NALF1: variants seen among roughly 807,000 people sequenced by gnomAD.
NALF1 encodes the protein family with sequence similarity 155 member A.
In NALF1, 3 loss-of-function variants were observed where a neutral mutation model predicts 48.4. The ratio of observed to expected loss-of-function variants is 0.06; its 90% CI spans 0.03 to 0.16. The LOEUF (loss-of-function observed/expected upper bound fraction) is 0.16. Among genes scored for constraint, NALF1 ranks in the 10% least tolerant of loss-of-function variants. The pLI is 1.00. For missense variants in NALF1, 526 were observed against 571.5 expected (o/e 0.92, Z 0.81); for synonymous variants, 262 against 245.7 (o/e 1.07, Z -0.62).
intron 1 of NALF1, among the ~76,000 whole-genome samples, chr13:107,414,847 T>A (rs1234100028): frequency 6.6e-6 from 1 of 151,974 alleles, no homozygotes; most frequent in African/African-American, 2.4e-5. Context: ...GTTTAATCAA[T>A]TCTTAGAAGT....
intron 2 of NALF1, among the ~76,000 whole-genome samples, chr13:107,199,654 GTTCCA>G (rs1443076549): frequency 8.5e-5 from 13 of 152,292 alleles, no homozygotes; most frequent in Admixed American, 6.5e-4. Context: ...TTTGTTTTAA[GTTCCA>G]GCATTCCAGG....
intron 1 of NALF1, among the ~76,000 whole-genome samples, chr13:107,783,195 G>C (rs1594263675): frequency 6.4e-5 from 8 of 125,864 alleles, no homozygotes; most frequent in East Asian, 2.6e-4. Context: ...GGAGGTGGGG[G>C]GTCAGTCCCC....
chr13:107,587,524 T>C (rs746557403), intron 1 of NALF1, among the ~76,000 whole-genome samples: 13 of 152,132 alleles, frequency 8.5e-5, no homozygotes, highest in Non-Finnish European at 1.8e-4. Context: ...CAATTTGTTA[T>C]AGCTGGGCAG....
intron 1 of NALF1, among the ~76,000 whole-genome samples, chr13:107,571,588 TA>T (rs1489135611): frequency 6.6e-6 from 1 of 152,180 alleles, no homozygotes; most frequent in African/African-American, 2.4e-5. Flanking sequence ...AACTAGTAAG[TA>T]AAGTGTTTCC....
At chr13:107,614,968 G>A (rs1879339927) in intron 1 of NALF1, among the ~76,000 whole-genome samples, 3 of 151,630 alleles carry the variant, frequency 2.0e-5, no homozygotes, top group South Asian at 4.2e-4. Context: ...GTAGAGAAGA[G>A]GTTTCACCAT....
At chr13:107,515,045 G>T (rs578029396) in intron 1 of NALF1, among the ~76,000 whole-genome samples, 2 of 152,326 alleles carry the variant, frequency 1.3e-5, no homozygotes, top group East Asian at 1.9e-4. Flanking sequence ...CCATATGCAG[G>T]TTATTTAAGT....
intron 1 of NALF1, among the ~76,000 whole-genome samples, chr13:107,303,368 T>G (rs556705292): frequency 6.6e-6 from 1 of 152,204 alleles, no homozygotes; most frequent in Non-Finnish European, 1.5e-5. Context: ...CGATATACAA[T>G]GTATGTTTTA....
chr13:107,823,052 A>G (rs1879404557), intron 1 of NALF1, among the ~76,000 whole-genome samples: 2 of 152,218 alleles, frequency 1.3e-5, no homozygotes, highest in Admixed American at 1.3e-4. Context: ...ACGGCTGACC[A>G]TGGGAAATGC....
intron 1 of NALF1, among the ~76,000 whole-genome samples, chr13:107,547,700 T>C (rs1024502916): frequency 1.3e-5 from 2 of 152,190 alleles, no homozygotes; most frequent in African/African-American, 4.8e-5. Flanking sequence ...TATATCATCC[T>C]AAGCACTTGG....
intron 1 of NALF1, among the ~76,000 whole-genome samples, chr13:107,782,268 T>G (rs1048528513): frequency 6.6e-6 from 1 of 152,244 alleles, no homozygotes; most frequent in Non-Finnish European, 1.5e-5. Flanking sequence ...TTGGCAGGGC[T>G]GGCTTCCAGC....
intron 1 of NALF1, among the ~76,000 whole-genome samples, chr13:107,715,933 G>C (rs1041881117): frequency 6.6e-6 from 1 of 152,200 alleles, no homozygotes; most frequent in East Asian, 1.9e-4. Context: ...ACTCCAGAGA[G>C]AGAGGAGTAA....
At chr13:107,701,619 C>T (rs1027082088) in intron 1 of NALF1, among the ~76,000 whole-genome samples, 1 of 152,026 alleles carries the variant, frequency 6.6e-6, no homozygotes, top group African/African-American at 2.4e-5. Context: ...TCAAAAAACA[C>T]AAAGTAGCAG....
At chr13:107,172,102 C>T (rs1566440430) in intron 2 of NALF1, among the ~76,000 whole-genome samples, 1 of 152,216 alleles carries the variant, frequency 6.6e-6, no homozygotes, top group African/African-American at 2.4e-5. Flanking sequence ...GCCTGTATCA[C>T]TCGCCAAGCT....
chr13:107,452,496 T>C lies in NALF1; in HGVS notation c.916-241741A>G, dbSNP rs148527700. On this transcript the variant is annotated intron_variant, in intron 1 of 2. Transcript: ENST00000375915. ...AGATCTCATGAGAACTCACTCACTATCATGAGAACAGCATGAAGGTAACCA... is the reference window on the plus strand; with the variant it reads ...AGATCTCATGAGAACTCACTCACTACCATGAGAACAGCATGAAGGTAACCA... Among the ~76,000 whole-genome samples, 1,444 of 152,250 alleles carry C rather than the reference T, an allele frequency of 9.5e-3. 25 individuals are homozygous for C. The highest frequency in any genetic ancestry group is 0.033 in the African/African-American group (1,376 of 41,526).
intron 1 of NALF1, among the ~76,000 whole-genome samples, chr13:107,396,144 C>A (rs903464273): frequency 6.6e-6 from 1 of 152,090 alleles, no homozygotes; most frequent in African/African-American, 2.4e-5. Context: ...TGTGTCCTCC[C>A]GTGGCAGAAA....
chr13:107,263,442 C>T (rs1819243), intron 1 of NALF1, among the ~76,000 whole-genome samples: 40,021 of 151,858 alleles, frequency 0.26, 6,082 homozygotes, highest in East Asian at 0.52. Flanking sequence ...ATGGTTGATA[C>T]GGTTTGGCTG....
intron 1 of NALF1, among the ~76,000 whole-genome samples, chr13:107,680,313 C>T (rs1165308168): frequency 6.6e-6 from 1 of 152,198 alleles, no homozygotes; most frequent in Admixed American, 6.5e-5. Flanking sequence ...GAGGAAGCTT[C>T]GGCACCACCC....
chr13:107,358,135 T>C (rs563567440), intron 1 of NALF1, among the ~76,000 whole-genome samples: 1 of 152,062 alleles, frequency 6.6e-6, no homozygotes, highest in Non-Finnish European at 1.5e-5. Flanking sequence ...CATTTACACA[T>C]GCATGTTTAT....
In NALF1 at chr13:107,813,364, A is replaced by G. The variant is rs190454414; in HGVS notation, c.915+52318T>C. 2.6e-3 allele frequency among the ~76,000 whole-genome samples: 401 copies of G among 152,304 alleles called. 2 individuals are homozygous for G. Among genetic ancestry groups the G allele is most frequent in the East Asian group, 3.1e-3 (16 of 5,170 alleles). ...CAAGCTTAAAACGTAAAGAAACAAC[A>G]CATGGAACATATGAACCAGCCTGAG... On this transcript the variant is annotated intron_variant, in intron 1 of 2. Transcript: ENST00000375915.
Sources: gnomAD v4.1 joint callset for allele counts (sites outside exome capture counted in the v4.1 genomes callset) on GRCh38, gnomAD v4.1.1 for gene constraint, MANE v1.5 for transcripts, NCBI Gene and HGNC (gene_info 2026-07-23, HGNC 2026-07-21) for gene names.